Variants in USP34 observed in about 807,000 individuals in gnomAD.
USP34 encodes the protein ubiquitin carboxyl-terminal hydrolase 34.
Under a neutral mutation model 460.3 loss-of-function variants are expected in USP34, and 70 were observed. The ratio of observed to expected loss-of-function variants is 0.15; its 90% CI spans 0.13 to 0.19. The LOEUF (loss-of-function observed/expected upper bound fraction) is 0.19. Among genes scored for constraint, USP34 ranks in the 10% least tolerant of loss-of-function variants. The pLI is 1.00. For missense variants in USP34, 3,985 were observed against 4,236.2 expected, an observed-to-expected ratio of 0.94 and a Z score of 1.65; for synonymous variants, 1,647 against 1,405.3, an observed-to-expected ratio of 1.17 and a Z score of -3.85.
At chr2:61,288,949 T>C in intron 33 of USP34, 72 bp from the exon 34 acceptor site, 1 of 1,474,938 alleles carries the variant, frequency 6.8e-7, no homozygotes, top group South Asian at 1.2e-5. Context: ...ATTTTGAAAT[T>C]AAAAGACCAG....
At chr2:61,335,423 G>C (rs539764250) in intron 18 of USP34, among the ~76,000 whole-genome samples, 1 of 152,282 alleles carries the variant, frequency 6.6e-6, no homozygotes, top group South Asian at 2.1e-4. Context: ...AGGCAACAAT[G>C]TGGTTAAGAT....
intron 32 of USP34, among the ~76,000 whole-genome samples, chr2:61,294,475 G>C (rs888966553): frequency 2.6e-5 from 4 of 152,076 alleles, no homozygotes; most frequent in African/African-American, 7.2e-5. Context: ...CTGGAGTGCT[G>C]TGGTGCGATC....
intron 1 of USP34, among the ~76,000 whole-genome samples, chr2:61,470,424 C>G (rs1695917687): frequency 1.3e-5 from 2 of 150,826 alleles, no homozygotes; most frequent in African/African-American, 2.4e-5. Context: ...CCAGGCCGAG[C>G]CGGAGCTCCG....
At chr2:61,386,674 C>T (rs910268779) in intron 5 of USP34, among the ~76,000 whole-genome samples, 1 of 152,060 alleles carries the variant, frequency 6.6e-6, no homozygotes, top group African/African-American at 2.4e-5. Context: ...CCTGCAGTCT[C>T]GGCTACTTAG....
chr2:61,278,783 T>TAAA, intron 39 of USP34, among the ~76,000 whole-genome samples: 1 of 149,036 alleles, frequency 6.7e-6, no homozygotes, highest in South Asian at 2.1e-4. Flanking sequence ...TAAAGTATAA[T>TAAA]AAAAAAAAAA....
rs547513581 is a variant in USP34 at position 61,409,207 on chromosome 2, G to T, written c.132-3079C>A. Reference sequence around the variant, plus strand: ...TGCACTCTAGCCTCGGTGATAGAGGGAGACTGTCTCAAAAAACATAAAAAA... The same window carrying T: ...TGCACTCTAGCCTCGGTGATAGAGGTAGACTGTCTCAAAAAACATAAAAAA... On this transcript the variant is annotated intron_variant, in intron 2 of 79. Transcript: ENST00000398571. 4.6e-5 allele frequency among the ~76,000 whole-genome samples: 7 copies of T among 151,636 alleles called. No homozygotes were observed. The South Asian group carries it at 6.3e-4, about 14-fold the overall frequency.
At chr2:61,241,125 A>G (rs1572863373) in intron 53 of USP34, among the ~76,000 whole-genome samples, 1 of 151,588 alleles carries the variant, frequency 6.6e-6, no homozygotes, top group Non-Finnish European at 1.5e-5. Flanking sequence ...ATTCACTGCA[A>G]CCTCCGCCTC....
At chr2:61,262,810 T>C (rs565160860) in intron 43 of USP34, among the ~76,000 whole-genome samples, 66 of 152,336 alleles carry the variant, frequency 4.3e-4, no homozygotes, top group South Asian at 4.1e-3. Context: ...GCAGTGTATA[T>C]GCATTCCCTT....
intron 3 of USP34, among the ~76,000 whole-genome samples, chr2:61,402,194 C>T (rs1693741116): frequency 6.6e-6 from 1 of 151,962 alleles, no homozygotes; most frequent in Admixed American, 6.6e-5. Context: ...GTGGGTGGAT[C>T]GTTTGAGCCC....
intron 70 of USP34, chr2:61,207,397 G>A (rs945331571): frequency 2.0e-5 from 3 of 152,864 alleles, no homozygotes; most frequent in Admixed American, 1.3e-4. Flanking sequence ...GCTTAATTAA[G>A]CCCTTAGTTT....
chr2:61,250,417 T>C, intron 48 of USP34: 1 of 156,536 alleles, frequency 6.4e-6, no homozygotes, highest in East Asian at 1.9e-4. Context: ...ATAAGGAAGG[T>C]ACTGTTAGTC....
chr2:61,268,721 T>G (rs1332969601), intron 41 of USP34, among the ~76,000 whole-genome samples: 1 of 152,102 alleles, frequency 6.6e-6, no homozygotes, highest in Non-Finnish European at 1.5e-5. Context: ...AAAAACATTA[T>G]GTAAATAAGG....
chr2:61,384,849 A>G (rs1003989143), intron 5 of USP34, among the ~76,000 whole-genome samples: 2 of 152,128 alleles, frequency 1.3e-5, no homozygotes, highest in African/African-American at 4.8e-5. Flanking sequence ...CCTCAATTCC[A>G]CTTGAACTGA....
intron 1 of USP34, among the ~76,000 whole-genome samples, chr2:61,447,585 T>C (rs975525861): frequency 2.6e-5 from 4 of 152,190 alleles, no homozygotes; most frequent in Admixed American, 2.6e-4. Context: ...ACTTGTCCAT[T>C]TTCTCAAATT....
chr2:61,188,974 G>A lies in USP34; in HGVS notation c.9969C>T (p.Cys3323=). 6.2e-7 allele frequency: 1 copy of A among 1,614,128 alleles called. No homozygotes were observed. The highest frequency in any genetic ancestry group is 8.5e-7 in the Non-Finnish European group (1 of 1,180,028). The change falls in exon 79 of 80, where the codon TGC becomes TGT. Residue 3323 remains cysteine, a synonymous_variant. Coordinates refer to ENST00000398571, the MANE Select transcript of USP34 (RefSeq NM_014709.4). ...AGTTTCTCTGTTGCAGACAAGTCCT[G>A]CATTTGCTTAAAAGCTCTTGCAGAG... ...IPTLQELLSK[C]RTCLQQRNSL...
chr2:61,426,677 ACTG>A (rs1288224452), intron 1 of USP34, among the ~76,000 whole-genome samples: 1 of 152,212 alleles, frequency 6.6e-6, no homozygotes, highest in African/African-American at 2.4e-5. Context: ...GGCTTTGCCA[ACTG>A]CTGATTGCAC....
At chr2:61,256,288 C>A in intron 48 of USP34, 96 bp downstream of exon 48, 1 of 1,123,026 alleles carries the variant, frequency 8.9e-7, no homozygotes. Context: ...TTACCTTCAT[C>A]ATATAATTTC....
chr2:61,254,087 C>G (rs1024912828), intron 48 of USP34, among the ~76,000 whole-genome samples: 1 of 152,204 alleles, frequency 6.6e-6, no homozygotes, highest in African/African-American at 2.4e-5. Flanking sequence ...TGTGTCCCGA[C>G]AATGTTGCTT....
At chr2:61,390,948 AG>A (rs1395981652) in intron 5 of USP34, among the ~76,000 whole-genome samples, 2 of 152,096 alleles carry the variant, frequency 1.3e-5, no homozygotes, top group African/African-American at 2.4e-5. Flanking sequence ...TACAAAAATT[AG>A]CTGGGCATGG....
Sources: allele counts gnomAD v4.1 joint callset (sites outside exome capture counted in the v4.1 genomes callset), GRCh38; gene constraint gnomAD v4.1.1; transcripts MANE v1.5; gene names NCBI Gene and HGNC (gene_info 2026-07-23, HGNC 2026-07-21).